FOXP1: variants seen among roughly 807,000 people sequenced by gnomAD.
The protein encoded by FOXP1 is forkhead box protein P1.
FOXP1 carries 15 observed loss-of-function variants against 98.2 expected under a neutral mutation model. That is an observed-to-expected ratio of 0.15 (90% CI 0.10 to 0.24). The LOEUF (loss-of-function observed/expected upper bound fraction) is 0.24. FOXP1 is among the 10% of genes least tolerant of loss of function. The pLI is 1.00. For missense variants in FOXP1, 633 were observed against 848.5 expected, an observed-to-expected ratio of 0.75 and a Z score of 3.15; for synonymous variants, 371 against 314.5, an observed-to-expected ratio of 1.18 and a Z score of -1.90.
At chr3:71,027,222 T>C (rs758636513) in intron 11 of FOXP1, among the ~76,000 whole-genome samples, 1 of 152,196 alleles carries the variant, frequency 6.6e-6, no homozygotes, top group Non-Finnish European at 1.5e-5. Flanking sequence ...CTTGTCCATA[T>C]GTTAGAGGAA....
intron 5 of FOXP1, among the ~76,000 whole-genome samples, chr3:71,218,398 A>G (rs912255712): frequency 9.9e-5 from 15 of 152,042 alleles, no homozygotes; most frequent in Non-Finnish European, 2.2e-4. Context: ...GAAAAAGAAA[A>G]TCTCTCTTCT....
intron 5 of FOXP1, among the ~76,000 whole-genome samples, chr3:71,220,581 C>G (rs2065284375): frequency 6.7e-6 from 1 of 150,086 alleles, no homozygotes; most frequent in African/African-American, 2.5e-5. Flanking sequence ...AACTCTGTCT[C>G]TATCAAAAAT....
intron 3 of FOXP1, among the ~76,000 whole-genome samples, chr3:71,426,072 T>C (rs1330056122): frequency 2.0e-5 from 3 of 152,206 alleles, no homozygotes; most frequent in Non-Finnish European, 4.4e-5. Flanking sequence ...ATGCCAGCTC[T>C]GATCCTATGA....
At chr3:71,081,545 G>A (rs1352653667) in intron 7 of FOXP1, among the ~76,000 whole-genome samples, 2 of 151,980 alleles carry the variant, frequency 1.3e-5, no homozygotes, top group South Asian at 2.1e-4. Flanking sequence ...ATTGCTTCAC[G>A]CCACCAGACA....
chr3:71,182,516 G>C (rs1472804500), intron 6 of FOXP1, among the ~76,000 whole-genome samples: 1 of 148,130 alleles, frequency 6.8e-6, no homozygotes, highest in Non-Finnish European at 1.5e-5. Context: ...GTGTGTGTGT[G>C]TGTGTGTGTG....
intron 3 of FOXP1, among the ~76,000 whole-genome samples, chr3:71,427,778 G>T (rs2084298448): frequency 6.6e-6 from 1 of 152,174 alleles, no homozygotes; most frequent in Non-Finnish European, 1.5e-5. Flanking sequence ...CTGGCTTTCA[G>T]GCATGAATGA....
intron 2 of FOXP1, among the ~76,000 whole-genome samples, chr3:71,535,018 T>G (rs1315256750): frequency 6.6e-6 from 1 of 152,120 alleles, no homozygotes; most frequent in African/African-American, 2.4e-5. Context: ...GTACTCAAGC[T>G]TAACTAGCAC....
intron 2 of FOXP1, among the ~76,000 whole-genome samples, chr3:71,578,019 A>G (rs990284399): frequency 6.6e-6 from 1 of 152,230 alleles, no homozygotes; most frequent in Non-Finnish European, 1.5e-5. Context: ...TGAAATCTAT[A>G]AAAGAAGTGT....
At chr3:71,340,505 A>C (rs967000036) in intron 4 of FOXP1, among the ~76,000 whole-genome samples, 3 of 152,252 alleles carry the variant, frequency 2.0e-5, no homozygotes, top group Non-Finnish European at 2.9e-5. Flanking sequence ...TCAGAGATTT[A>C]GCAACAAGAA....
At chr3:71,425,738 T>TA (rs369833516) in intron 3 of FOXP1, among the ~76,000 whole-genome samples, 5,369 of 142,496 alleles carry the variant, frequency 0.038, 301 homozygotes, top group African/African-American at 0.13. Context: ...TCAAACCACT[T>TA]AAAAAAAAAA....
chr3:71,496,159 G>A (rs2091391926), intron 2 of FOXP1, among the ~76,000 whole-genome samples: 1 of 152,188 alleles, frequency 6.6e-6, no homozygotes, highest in African/African-American at 2.4e-5. Context: ...AAACAAACAT[G>A]TTGCAATCCC....
At chr3:71,071,875 C>A (rs1559870966) in intron 7 of FOXP1, among the ~76,000 whole-genome samples, 1 of 152,168 alleles carries the variant, frequency 6.6e-6, no homozygotes. Context: ...TGCGCCCAGC[C>A]TCTGTAGTTT....
intron 3 of FOXP1, among the ~76,000 whole-genome samples, chr3:71,479,048 T>C (rs2090073505): frequency 6.6e-6 from 1 of 152,196 alleles, no homozygotes; most frequent in Non-Finnish European, 1.5e-5. Context: ...TTAGCTTGAA[T>C]AGTTTCAATG....
intron 4 of FOXP1, among the ~76,000 whole-genome samples, chr3:71,318,153 G>A (rs1043301653): frequency 1.3e-4 from 5 of 38,030 alleles, no homozygotes; most frequent in Admixed American, 5.0e-4. Flanking sequence ...TACCCAGCAA[G>A]GTTTTTTTTT....
intron 11 of FOXP1, among the ~76,000 whole-genome samples, chr3:71,031,955 T>C (rs1231619643): frequency 6.6e-6 from 1 of 152,188 alleles, no homozygotes; most frequent in Non-Finnish European, 1.5e-5. Flanking sequence ...AACCACGTGC[T>C]TCAAAAAATA....
intron 5 of FOXP1, among the ~76,000 whole-genome samples, chr3:71,262,508 G>C (rs956404092): frequency 6.6e-6 from 1 of 151,584 alleles, no homozygotes; most frequent in Non-Finnish European, 1.5e-5. Context: ...ATGTAGAAAA[G>C]AAAGAGGCTG....
chr3:71,302,108 T>C (rs2073895472), intron 4 of FOXP1, among the ~76,000 whole-genome samples: 2 of 152,256 alleles, frequency 1.3e-5, no homozygotes, highest in South Asian at 4.1e-4. Flanking sequence ...TGGCCACTCA[T>C]TAATTTATTT....
chr3:71,422,419 T>C (rs1026919015), intron 3 of FOXP1, among the ~76,000 whole-genome samples: 3 of 152,200 alleles, frequency 2.0e-5, no homozygotes, highest in Admixed American at 2.0e-4. Flanking sequence ...CCTGAGACCC[T>C]GCATTTCTAA....
At chr3:71,558,847 G>C (rs60282766) in intron 2 of FOXP1, among the ~76,000 whole-genome samples, 4,236 of 132,142 alleles carry the variant, frequency 0.032, 211 homozygotes, top group African/African-American at 0.12. Flanking sequence ...CTTTCGCCCA[G>C]GCTGGAGTGC....
Sources: allele counts gnomAD v4.1 joint callset (sites outside exome capture counted in the v4.1 genomes callset), GRCh38; gene constraint gnomAD v4.1.1; transcripts MANE v1.5; gene names NCBI Gene and HGNC (gene_info 2026-07-23, HGNC 2026-07-21).